The following MTCL1 variants were observed in gnomAD, a reference collection of about 807,000 sequenced individuals.
MTCL1 encodes the protein microtubule crosslinking factor 1.
MTCL1 carries 79 observed loss-of-function variants against 141.4 expected under a neutral mutation model. That is an observed-to-expected ratio of 0.56 (90% confidence interval 0.47 to 0.67). The LOEUF (loss-of-function observed/expected upper bound fraction) is 0.67, where lower values mean the gene tolerates loss of function less well. Ranked by LOEUF, MTCL1 falls within the 30% of genes least tolerant of loss-of-function variation. The pLI is 0.00. For synonymous variants in MTCL1, 914 were observed against 875.8 expected (o/e 1.04, Z -0.77); for missense variants, 2,177 against 2,113.9 (o/e 1.03, Z -0.59).
At chr18:8,824,901 C>G in exon 15 of MTCL1, 1 of 1,613,858 alleles carries the variant, frequency 6.2e-7, no homozygotes, top group Non-Finnish European at 8.5e-7. Flanking sequence ...GGGGCCGGAC[C>G]TTTGGGCCGA....
chr18:8,720,876 G>A (rs138618016), intron 4 of MTCL1, among the ~76,000 whole-genome samples: 1 of 150,908 alleles, frequency 6.6e-6, no homozygotes. Flanking sequence ...TCCAAGTGGA[G>A]CCTATTATTG....
chr18:8,811,318 G>A (rs1300557690), intron 11 of MTCL1: 1 of 151,944 alleles, frequency 6.6e-6, no homozygotes, highest in Non-Finnish European at 1.5e-5. Context: ...AGAGGGAGAG[G>A]TTACTCACTC....
chr18:8,733,246 A>G (rs1270064158), intron 4 of MTCL1, among the ~76,000 whole-genome samples: 1 of 152,180 alleles, frequency 6.6e-6, no homozygotes, highest in Non-Finnish European at 1.5e-5. Flanking sequence ...GTGTTTATTC[A>G]TGGGCATTAG....
chr18:8,708,524 C>T (rs2096069919), intron 1 of MTCL1, among the ~76,000 whole-genome samples: 1 of 152,154 alleles, frequency 6.6e-6, no homozygotes, highest in South Asian at 2.1e-4. Context: ...AATGACTTGG[C>T]CAAGGTCATA....
chr18:8,730,234 G>C (rs1182978100), intron 4 of MTCL1, among the ~76,000 whole-genome samples: 1 of 152,098 alleles, frequency 6.6e-6, no homozygotes, highest in East Asian at 1.9e-4. Context: ...GTCCGTGCCA[G>C]CCAGCAGATC....
exon 1 of MTCL1, chr18:8,706,039 C>G: frequency 8.5e-7 from 1 of 1,182,598 alleles, no homozygotes; most frequent in East Asian, 3.7e-5. Flanking sequence ...CAAGGCTGCC[C>G]TGGGAAGCAG....
At chr18:8,736,421 C>T (rs991172140) in intron 4 of MTCL1, among the ~76,000 whole-genome samples, 1 of 152,142 alleles carries the variant, frequency 6.6e-6, no homozygotes, top group Non-Finnish European at 1.5e-5. Flanking sequence ...TAAACATACT[C>T]AGAATACTTA....
chr18:8,741,436 TA>T (rs2096302698), intron 4 of MTCL1, among the ~76,000 whole-genome samples: 1 of 152,194 alleles, frequency 6.6e-6, no homozygotes, highest in Non-Finnish European at 1.5e-5. Context: ...TGAGAGTGTT[TA>T]AAGGATGGGT....
chr18:8,809,854 A>C (rs2076423389), intron 11 of MTCL1: 1 of 451,006 alleles, frequency 2.2e-6, no homozygotes, highest in Non-Finnish European at 4.0e-6. Flanking sequence ...GCTGGGCTGA[A>C]GATGTATATA....
chr18:8,723,955 G>A (rs574983003), intron 4 of MTCL1, among the ~76,000 whole-genome samples: 1 of 123,272 alleles, frequency 8.1e-6, no homozygotes, highest in South Asian at 2.4e-4. Flanking sequence ...TCATATAGAC[G>A]GAAAACAGAT....
At chr18:8,783,447 G>A in intron 5 of MTCL1, 83 bp from the exon 5 acceptor site, 4 of 1,257,366 alleles carry the variant, frequency 3.2e-6, no homozygotes, top group South Asian at 3.0e-5. Flanking sequence ...TGCATTGGGG[G>A]CGAGGTGTGA....
At chr18:8,720,345 A>G (rs1245765049) in exon 4 of MTCL1, 3 of 1,614,202 alleles carry the variant, frequency 1.9e-6, no homozygotes, top group Non-Finnish European at 2.5e-6. Flanking sequence ...CAGGTAGCCA[A>G]AGATGTATCT....
intron 4 of MTCL1, among the ~76,000 whole-genome samples, chr18:8,731,826 A>G (rs2096252165): frequency 6.6e-6 from 1 of 152,002 alleles, no homozygotes. Flanking sequence ...CTCCTGCCTC[A>G]GTCTCCTGAG....
intron 5 of MTCL1, chr18:8,782,625 T>G (rs952309665): frequency 6.6e-6 from 1 of 152,258 alleles, no homozygotes; most frequent in Non-Finnish European, 1.5e-5. Context: ...TCTTAGGTTT[T>G]GATACACTTG....
chr18:8,798,205 G>A lies in MTCL1; in HGVS notation c.2350G>A (p.Gly784Arg), dbSNP rs757137651. 6.8e-5 allele frequency: 108 copies of A among 1,599,994 alleles called. No individual in the cohort carries two copies. Among genetic ancestry groups the A allele is most frequent in the Admixed American group, 3.4e-4 (20 of 58,034 alleles). ...TGACCGAGGCTGTGGCTTTCCAGTG[G>A]GGGAGCACTCCCCACACTCCCGGGT... The change falls in exon 10 of 17, where the codon GGG (glycine) becomes AGG (arginine). Residue 784 changes from glycine (G) to arginine (R), a missense_variant. Transcript: ENST00000359865.
chr18:8,809,624 G>GA, intron 11 of MTCL1: 1 of 1,523,850 alleles, frequency 6.6e-7, no homozygotes. Context: ...GCACACACCT[G>GA]AAAAAAACGG....
intron 5 of MTCL1, among the ~76,000 whole-genome samples, chr18:8,778,657 A>AG (rs1005883646): frequency 2.0e-5 from 3 of 152,132 alleles, no homozygotes; most frequent in African/African-American, 7.2e-5. Context: ...GCATCATTCA[A>AG]GGGGGGGCAG....
intron 10 of MTCL1, among the ~76,000 whole-genome samples, chr18:8,799,695 G>A (rs1000030394): frequency 1.3e-5 from 2 of 152,126 alleles, no homozygotes; most frequent in African/African-American, 2.4e-5. Context: ...TTCCCACCTC[G>A]CCACAAACCT....
At chr18:8,746,669 CAG>C (rs1491159392) in intron 4 of MTCL1, among the ~76,000 whole-genome samples, 2 of 152,180 alleles carry the variant, frequency 1.3e-5, no homozygotes, top group Admixed American at 6.5e-5. Context: ...ACCCTGCTGA[CAG>C]GGGCCCCTGC....
Sources: gnomAD v4.1 joint callset for allele counts (sites outside exome capture counted in the v4.1 genomes callset) on GRCh38, gnomAD v4.1.1 for gene constraint, MANE v1.5 for transcripts, NCBI Gene and HGNC (gene_info 2026-07-23, HGNC 2026-07-21) for gene names.